Variants in NIBAN3 observed in about 807,000 individuals in gnomAD.
The protein encoded by NIBAN3 is protein Niban 3.
NIBAN3 carries 66 observed loss-of-function variants against 76.4 expected under a neutral mutation model. That is an observed-to-expected ratio of 0.86 (90% confidence interval 0.71 to 1.06). The LOEUF (loss-of-function observed/expected upper bound fraction) is 1.06, where lower values mean the gene tolerates loss of function less well. NIBAN3 is among the 50% of genes least tolerant of loss of function. The pLI is 0.00. For synonymous variants in NIBAN3, 360 were observed against 355.2 expected (o/e 1.01, Z -0.15); for missense variants, 808 against 810.7 (o/e 1.00, Z 0.04).
In NIBAN3 at chr19:17,543,383, T is replaced by G. The variant is rs140048862; in HGVS notation, c.1396T>G (p.Cys466Gly). The G allele has an allele frequency of 8.1e-6, 13 of 1,608,182 alleles. No homozygotes were observed. The Admixed American group carries it at 2.2e-4, about 27-fold the overall frequency. The stretch of plus-strand genomic sequence containing the variant: ...CCAGTGTCTGACGACGGCCCTCAAC[T>G]GTGACCAGGCTGCCCAGAGGCTGGA... ...ADQCLTTALN[C>G]DQAAQRLERV... The change falls in exon 11 of 15, where the codon TGT (cysteine) becomes GGT (glycine). Residue 466 changes from cysteine (C) to glycine (G), a missense_variant. Physicochemically the swap from Cys to Gly is radical, Grantham distance 159. Coordinates refer to ENST00000599164, the MANE Select transcript of NIBAN3 (RefSeq NM_001321827.2).
Position 17,542,440 on chromosome 19 carries a change from G to A in NIBAN3, c.1329+146G>A. 1 of 852,988 alleles carries A rather than the reference G, an allele frequency of 1.2e-6. No individual in the cohort carries two copies. Among genetic ancestry groups the A allele is most frequent in the Non-Finnish European group, 1.8e-6 (1 of 564,446 alleles). 52.8% of individuals were successfully genotyped at this position (852,988 alleles called of 1,614,324 possible). On this transcript the variant is annotated intron_variant, in intron 10 of 14. Transcript: ENST00000599164. This position sits in a 1 kb window ranked among gnomAD's most constrained non-coding sequence, Gnocchi z 4.8. The stretch of plus-strand genomic sequence containing the variant: ...CATGGGGACATGAGCCCGTGACCAG[G>A]CAGCAGCCACATGTGGTGGACAGAG...
chr19:17,542,182 C>T lies in NIBAN3; in HGVS notation c.1217C>T (p.Thr406Ile). 1 of 1,614,192 alleles carries T rather than the reference C, an allele frequency of 6.2e-7. No homozygotes were observed. The highest frequency in any genetic ancestry group is 1.1e-5 in the South Asian group (1 of 91,086). The change falls in exon 10 of 15, where the codon ACA (threonine) becomes ATA (isoleucine). Residue 406 changes from threonine to isoleucine, a missense_variant. Transcript: ENST00000599164. The surrounding 1 kb of genome is among the most constrained non-coding windows in gnomAD (Gnocchi z 4.8). ...CCGTGGGACTTGGCGCTGATGCAGA[C>T]ATGCTACCGTGAGGCCGAGCGGAGC... Reference protein sequence around the residue: ...EMPWDLALMQTCYREAERSRG... With the variant: ...EMPWDLALMQICYREAERSRG...
intron 14 of NIBAN3, 172 bp downstream of exon 14, chr19:17,549,699 G>A: frequency 1.5e-6 from 1 of 675,154 alleles, no homozygotes; most frequent in Non-Finnish European, 2.7e-6. Flanking sequence ...AGCTCAGTGG[G>A]AAGTTGTGGA....
chr19:17,553,465 C>T lies in NIBAN3; in HGVS notation c.*1567C>T, dbSNP rs746439552. ...CCGGAGTGGGTTCCACAGGGATTCC[C>T]GTGTGTTCTTGGTTCAGCTTGCAGA... On this transcript the variant is annotated 3_prime_UTR_variant, in exon 15 of 15. Coordinates refer to ENST00000599164, the MANE Select transcript of NIBAN3 (RefSeq NM_001321827.2). 2.5e-6 allele frequency: 4 copies of T among 1,614,166 alleles called. No homozygotes were observed. The highest frequency in any genetic ancestry group is 1.3e-5 in the African/African-American group (1 of 75,040).
At chr19:17,536,246 A>G (rs1344847752) in intron 4 of NIBAN3, among the ~76,000 whole-genome samples, 3 of 152,066 alleles carry the variant, frequency 2.0e-5, no homozygotes, top group Non-Finnish European at 2.9e-5. Flanking sequence ...GCTCAAGTGC[A>G]GTGGCATGAT....
chr19:17,530,071 A>G (rs1451971340), intron 1 of NIBAN3, among the ~76,000 whole-genome samples: 1 of 151,724 alleles, frequency 6.6e-6, no homozygotes, highest in African/African-American at 2.4e-5. Flanking sequence ...AAAAGAAAAA[A>G]AAGTGCAAGA....
At chr19:17,539,891 G>A (rs1196438407) in intron 8 of NIBAN3, 126 bp downstream of exon 8, 3 of 424,752 alleles carry the variant, frequency 7.1e-6, no homozygotes, top group East Asian at 1.6e-4. Flanking sequence ...GAGGGGCGGG[G>A]CCAAGCATAG....
downstream of NIBAN3, among the ~76,000 whole-genome samples, chr19:17,554,763 G>C (rs1203037395): frequency 3.0e-5 from 4 of 131,642 alleles, no homozygotes; most frequent in Non-Finnish European, 6.2e-5. Flanking sequence ...CGGGGCAATG[G>C]AGTGAGACGC....
intron 8 of NIBAN3, among the ~76,000 whole-genome samples, 154 bp downstream of exon 8, chr19:17,539,919 G>C (rs1461554405): frequency 6.6e-6 from 1 of 151,950 alleles, no homozygotes; most frequent in African/African-American, 2.4e-5. Flanking sequence ...AAGGGAACGG[G>C]TGGGGAAGGG....
In NIBAN3 at chr19:17,553,214, CTCTT is replaced by C. The variant is rs577320296; in HGVS notation, c.*1318_*1321del. Reference sequence around the variant, plus strand: ...CATTTTTCTTATTGATATCTAATAACTCTTTATATCTGAAGGATATGAACGCTTT... The same window carrying C: ...CATTTTTCTTATTGATATCTAATAACTATATCTGAAGGATATGAACGCTTT... On this transcript the variant is annotated 3_prime_UTR_variant, in exon 15 of 15. Transcript: ENST00000599164. 84 of 1,497,648 alleles carry C rather than the reference CTCTT, an allele frequency of 5.6e-5. No homozygotes were observed. The African/African-American group carries it at 1.0e-3, about 18-fold the overall frequency. 92.8% of individuals were successfully genotyped at this position (1,497,648 alleles called of 1,614,324 possible).
At chr19:17,532,420 TGGGTC>T (rs773556225) in intron 3 of NIBAN3, 32 bp downstream of exon 3, 1 of 1,614,142 alleles carries the variant, frequency 6.2e-7, no homozygotes, top group Non-Finnish European at 8.5e-7. Context: ...TTTCTACTTC[TGGGTC>T]CCTCCTTCCC....
intron 12 of NIBAN3, 130 bp downstream of exon 12, chr19:17,543,761 G>C: frequency 1.4e-6 from 1 of 700,856 alleles, no homozygotes; most frequent in Non-Finnish European, 2.4e-6. Context: ...GGGAGGCCAA[G>C]GCAGGCAGAT....
intron 8 of NIBAN3, 82 bp downstream of exon 8, chr19:17,539,847 G>T (rs760060456): frequency 4.4e-6 from 5 of 1,137,340 alleles, no homozygotes; most frequent in Non-Finnish European, 4.9e-6. Flanking sequence ...CGAAGAATGG[G>T]CTTGAAGTTA....
downstream of NIBAN3, among the ~76,000 whole-genome samples, chr19:17,555,081 C>G (rs2076201351): frequency 6.6e-6 from 1 of 152,170 alleles, no homozygotes; most frequent in African/African-American, 2.4e-5. Flanking sequence ...TTATCATGCC[C>G]TGGCTCTATT....
chr19:17,523,314 T>G, upstream of NIBAN3: 6 of 829,706 alleles, frequency 7.2e-6, no homozygotes, highest in South Asian at 1.9e-5. Flanking sequence ...GAGCAGGAGA[T>G]GGGAATTGAA....
intron 4 of NIBAN3, among the ~76,000 whole-genome samples, chr19:17,535,249 G>T (rs1484876275): frequency 2.0e-5 from 3 of 152,058 alleles, no homozygotes; most frequent in Non-Finnish European, 4.4e-5. Context: ...GACCAGCCTG[G>T]GTAACATAGT....
At chr19:17,540,906 T>A (rs1326389985) in intron 9 of NIBAN3, among the ~76,000 whole-genome samples, 4 of 152,190 alleles carry the variant, frequency 2.6e-5, no homozygotes, top group African/African-American at 7.2e-5. Context: ...GCTAATTTTT[T>A]AATTTTTTTG....
chr19:17,523,334 G>A, upstream of NIBAN3: 2 of 1,056,412 alleles, frequency 1.9e-6, no homozygotes, highest in Non-Finnish European at 1.4e-6. Context: ...AACCTGCGCA[G>A]AGGCGGCTGT....
At chr19:17,550,843 C>CT (rs10690901) in intron 14 of NIBAN3, among the ~76,000 whole-genome samples, 16,856 of 91,206 alleles carry the variant, frequency 0.18, 3,099 homozygotes, top group East Asian at 0.52. Context: ...CTTGTACATA[C>CT]TTTTTTTTTT....
Sources: gnomAD v4.1 joint callset for allele counts (sites outside exome capture counted in the v4.1 genomes callset) on GRCh38, gnomAD v4.1.1 for gene constraint, Gnocchi (gnomAD v3.1) non-coding constraint, MANE v1.5 for transcripts, NCBI Gene and HGNC (gene_info 2026-07-23, HGNC 2026-07-21) for gene names.